Variants in FMNL3 observed in about 807,000 individuals in gnomAD.
FMNL3 encodes formin-like protein 3.
In FMNL3, 57 loss-of-function variants were observed where a neutral mutation model predicts 119.6. The observed-to-expected ratio is 0.48, with a 90% CI of 0.39 to 0.59. The LOEUF is 0.59. Ranked by LOEUF, FMNL3 falls within the 20% of genes least tolerant of loss-of-function variation. The pLI is 0.00. For synonymous variants in FMNL3, 491 were observed against 507.3 expected (o/e 0.97, Z 0.43); for missense variants, 1,053 against 1,323.5 (o/e 0.80, Z 3.17).
intron 13 of FMNL3, 109 bp from the exon 14 acceptor site, chr12:49,652,321 GTA>G: frequency 6.9e-7 from 1 of 1,453,010 alleles, no homozygotes; most frequent in East Asian, 2.5e-5. Flanking sequence ...CTCTGTCAGG[GTA>G]CTCAGAGGCT....
Position 49,643,109 on chromosome 12 carries a change from G to T in FMNL3, c.*2706C>A, listed in dbSNP as rs1242695311. The T allele has an allele frequency of 9.5e-6, 15 of 1,582,944 alleles. No individual in the cohort carries two copies. The highest frequency in any genetic ancestry group is 1.3e-5 in the Non-Finnish European group (15 of 1,155,266). On this transcript the variant is annotated 3_prime_UTR_variant, in exon 26 of 26. Transcript: ENST00000335154. ...TCCCCTTACAATATCTCCCTTGGAG[G>T]GAAGTTTGAGGATTCCTTTGGCCCT...
chr12:49,684,950 G>A (rs958326590), intron 1 of FMNL3, among the ~76,000 whole-genome samples: 1 of 152,176 alleles, frequency 6.6e-6, no homozygotes, highest in Non-Finnish European at 1.5e-5. Flanking sequence ...ACACAGAAGG[G>A]GTCCAAACAA....
chr12:49,700,158 C>T (rs11169112), intron 1 of FMNL3, among the ~76,000 whole-genome samples: 31,828 of 151,774 alleles, frequency 0.21, 5,486 homozygotes, highest in African/African-American at 0.48. Flanking sequence ...TTTGGGAGGC[C>T]GAGGCAGGTG....
chr12:49,703,494 C>T (rs1287889811), intron 1 of FMNL3, among the ~76,000 whole-genome samples: 1 of 152,168 alleles, frequency 6.6e-6, no homozygotes, highest in Non-Finnish European at 1.5e-5. Flanking sequence ...TGTAACACAG[C>T]AGCTTCACAA....
chr12:49,664,289 C>CA (rs1237806321), intron 4 of FMNL3, among the ~76,000 whole-genome samples: 2 of 152,062 alleles, frequency 1.3e-5, no homozygotes, highest in Non-Finnish European at 1.5e-5. Context: ...CCTGTGCTCC[C>CA]AGCTACTTGG....
intron 1 of FMNL3, among the ~76,000 whole-genome samples, chr12:49,678,105 G>A (rs977683794): frequency 6.6e-6 from 1 of 151,982 alleles, no homozygotes; most frequent in Non-Finnish European, 1.5e-5. Flanking sequence ...TTCATGATCT[G>A]CCTGACTCGG....
rs953738809 is a variant in FMNL3 at position 49,641,271 on chromosome 12, G to A, written c.*4544C>T. The A allele has an allele frequency of 6.6e-6, 1 of 152,332 alleles. No homozygotes were observed. The highest frequency in any genetic ancestry group is 1.5e-5 in the Non-Finnish European group (1 of 68,136). 9.4% of individuals were successfully genotyped at this position (152,332 alleles called of 1,614,324 possible). On this transcript the variant is annotated 3_prime_UTR_variant, in exon 26 of 26. Transcript: ENST00000335154. ...GGCCTCCGTTTCTCCCATGGACTAA[G>A]TCATCTGGGTGGGTGTGGTGCTTGA...
At chr12:49,660,364 T>C (rs569198214) in intron 5 of FMNL3, among the ~76,000 whole-genome samples, 1 of 152,344 alleles carries the variant, frequency 6.6e-6, no homozygotes, top group East Asian at 1.9e-4. Flanking sequence ...AGAGGCTTAT[T>C]TGGAAAAATG....
Position 49,663,372 on chromosome 12 carries a change from C to T in FMNL3, c.369-1323G>A, listed in dbSNP as rs572532659. 4.6e-5 allele frequency among the ~76,000 whole-genome samples: 7 copies of T among 152,330 alleles called. No individual in the cohort carries two copies. In the South Asian group the frequency reaches 1.0e-3, roughly 23 times the overall value. On this transcript the variant is annotated intron_variant, in intron 4 of 25. Coordinates refer to ENST00000335154, the MANE Select transcript of FMNL3 (RefSeq NM_175736.5). ...CCTATCCCTCTCCAGAACCTGAGTT[C>T]CCATCTGCTGCTCCTGCACACCCAA...
rs200167508 is a variant in FMNL3, at chr12:49,642,316, C to T, written c.*3499G>A. ...GATGCGGCGCAGGGAAGCTGCCTTTCGAAGCATGCTGAGGCAGGCTGTGCC... is the reference window on the plus strand; with the variant it reads ...GATGCGGCGCAGGGAAGCTGCCTTTTGAAGCATGCTGAGGCAGGCTGTGCC... On this transcript the variant is annotated 3_prime_UTR_variant, in exon 26 of 26. Coordinates refer to ENST00000335154, the MANE Select transcript of FMNL3 (RefSeq NM_175736.5). The surrounding 1 kb of genome is among the most constrained non-coding windows in gnomAD (Gnocchi z 5.8). 3.1e-6 allele frequency: 5 copies of T among 1,614,154 alleles called. No homozygotes were observed. Among genetic ancestry groups the T allele is most frequent in the Non-Finnish European group, 3.4e-6 (4 of 1,180,046 alleles).
At chr12:49,685,218 C>T (rs984110263) in intron 1 of FMNL3, among the ~76,000 whole-genome samples, 1 of 152,242 alleles carries the variant, frequency 6.6e-6, no homozygotes, top group African/African-American at 2.4e-5. Flanking sequence ...GAAGCAGTGG[C>T]TCACGCCTGT....
At position 49,636,987 on chromosome 12, in the gene FMNL3, T is replaced by A; in HGVS notation, c.*8828A>T. Reference sequence around the variant, plus strand: ...CTGTCCAAGCTCTATGAGACCTCTCTCTGCCTGCAGTCTGTTTCTGCTGTA... The same window carrying A: ...CTGTCCAAGCTCTATGAGACCTCTCACTGCCTGCAGTCTGTTTCTGCTGTA... On this transcript the variant is annotated 3_prime_UTR_variant, in exon 26 of 26. Coordinates refer to ENST00000335154, the MANE Select transcript of FMNL3 (RefSeq NM_175736.5). 2.3e-6 allele frequency: 3 copies of A among 1,280,064 alleles called. No individual in the cohort carries two copies. Among genetic ancestry groups the A allele is most frequent in the Non-Finnish European group, 3.2e-6 (3 of 927,668 alleles). The allele number at this position is 1,280,064 out of a possible 1,614,324, so 79.3% of individuals were successfully genotyped here.
chr12:49,650,599 G>A, intron 17 of FMNL3, 77 bp downstream of exon 17: 1 of 1,533,138 alleles, frequency 6.5e-7, no homozygotes, highest in African/African-American at 1.4e-5. Flanking sequence ...CTGGAATCTA[G>A]GGAAACCCAG....
In FMNL3 at chr12:49,637,088, C is replaced by A; in HGVS notation, c.*8727G>T. ...ACCCAGAAACTGCCAGTAGAGAGCA[C>A]CCTACAGGCATGACTTGGCAGCTAG... On this transcript the variant is annotated 3_prime_UTR_variant, in exon 26 of 26. Transcript: ENST00000335154. 1.6e-6 allele frequency: 1 copy of A among 630,356 alleles called. No homozygotes were observed. Among genetic ancestry groups the A allele is most frequent in the Non-Finnish European group, 2.7e-6 (1 of 369,024 alleles). 39.0% of individuals were successfully genotyped at this position (630,356 alleles called of 1,614,324 possible). A position where few individuals can be genotyped will look rare whatever the true frequency, so the allele number is the denominator to read the frequency against.
In FMNL3 at chr12:49,645,838, G is replaced by T; in HGVS notation, c.3061C>A (p.Pro1021Thr). The change falls in exon 26 of 26, where the codon CCT (proline) becomes ACT (threonine). Residue 1021 changes from proline to threonine, a missense_variant. Transcript: ENST00000335154. ...ARSAAPPSGP[P>T]RAPGPH Reference sequence around the variant, plus strand: ...TCTCAGTGGGGGCCTGGAGCCCGAGGGGGACCACTGGGCGGTGCAGCACTC... The same window carrying T: ...TCTCAGTGGGGGCCTGGAGCCCGAGTGGGACCACTGGGCGGTGCAGCACTC... 1 of 1,603,152 alleles carries T rather than the reference G, an allele frequency of 6.2e-7. No homozygotes were observed. Among genetic ancestry groups the T allele is most frequent in the Non-Finnish European group, 8.5e-7 (1 of 1,176,324 alleles).
At chr12:49,657,312 C>T (rs186734914) in intron 6 of FMNL3, 122 bp from the exon 7 acceptor site, 5 of 696,464 alleles carry the variant, frequency 7.2e-6, no homozygotes, top group South Asian at 6.8e-5. Context: ...GGGAATAGCA[C>T]CTCGTACCAA....
Position 49,636,981 on chromosome 12 carries a change from C to T in FMNL3, c.*8834G>A. On this transcript the variant is annotated 3_prime_UTR_variant, in exon 26 of 26. Transcript: ENST00000335154. ...CTAGCCCTGTCCAAGCTCTATGAGACCTCTCTCTGCCTGCAGTCTGTTTCT... is the reference window on the plus strand; with the variant it reads ...CTAGCCCTGTCCAAGCTCTATGAGATCTCTCTCTGCCTGCAGTCTGTTTCT... 7.7e-7 allele frequency: 1 copy of T among 1,291,488 alleles called. No individual in the cohort carries two copies. The highest frequency in any genetic ancestry group is 1.1e-6 in the Non-Finnish European group (1 of 936,348). The allele number at this position is 1,291,488 out of a possible 1,614,324, so 80.0% of individuals were successfully genotyped here.
chr12:49,658,281 G>A (rs1473054169), intron 6 of FMNL3, among the ~76,000 whole-genome samples, 161 bp downstream of exon 6: 2 of 152,152 alleles, frequency 1.3e-5, no homozygotes, highest in African/African-American at 4.8e-5. Flanking sequence ...GAGTCAAGGA[G>A]ACAGAGAAGA....
intron 1 of FMNL3, chr12:49,688,536 C>A (rs573248553): frequency 2.2e-6 from 1 of 455,920 alleles, no homozygotes; most frequent in African/African-American, 2.0e-5. Flanking sequence ...TCTTTTCCAC[C>A]CCAGGGCTTT....
Sources: allele counts gnomAD v4.1 joint callset (sites outside exome capture counted in the v4.1 genomes callset), GRCh38; gene constraint gnomAD v4.1.1; non-coding constraint Gnocchi (gnomAD v3.1); transcripts MANE v1.5; gene names NCBI Gene and HGNC (gene_info 2026-07-23, HGNC 2026-07-21).